COX6C: variants seen among roughly 807,000 people sequenced by gnomAD.
COX6C encodes cytochrome c oxidase subunit 6C.
COX6C carries 3 observed loss-of-function variants against 6.9 expected under a neutral mutation model. The observed-to-expected ratio is 0.43, with a 90% CI of 0.20 to 1.12. COX6C has a LOEUF of 1.12. COX6C is among the 50% of genes most tolerant of loss of function. The pLI is 0.27. For synonymous variants in COX6C, 32 were observed against 32.0 expected (o/e 1.00, Z 0.00); for missense variants, 101 against 97.3 (o/e 1.04, Z -0.16).
At chr8:99,883,471 A>ATTTTTTT (rs71274942) in intron 3 of COX6C, among the ~76,000 whole-genome samples, 1 of 137,718 alleles carries the variant, frequency 7.3e-6, no homozygotes, top group Admixed American at 7.3e-5. Flanking sequence ...ATATATATAT[A>ATTTTTTT]TTTTTTTTTT....
intron 2 of COX6C, among the ~76,000 whole-genome samples, chr8:99,888,508 A>C (rs913369467): frequency 2.6e-5 from 4 of 152,160 alleles, no homozygotes; most frequent in African/African-American, 9.7e-5. Context: ...GAGGCCTCGG[A>C]GGGTGCAGTG....
chr8:99,888,040 G>A (rs906113606), intron 2 of COX6C, among the ~76,000 whole-genome samples: 2 of 147,622 alleles, frequency 1.4e-5, no homozygotes, highest in African/African-American at 5.0e-5. Flanking sequence ...GCAGTGAGCC[G>A]AGATCTCACC....
chr8:99,887,074 T>C (rs1817952857), intron 3 of COX6C: 1 of 152,658 alleles, frequency 6.6e-6, no homozygotes, highest in South Asian at 2.1e-4. Flanking sequence ...ATGCATTTAA[T>C]ACACCTAACT....
At chr8:99,891,792 G>A (rs1324786026) in intron 2 of COX6C, 116 bp downstream of exon 2, 3 of 846,352 alleles carry the variant, frequency 3.5e-6, no homozygotes, top group Non-Finnish European at 5.9e-6. Context: ...TCACACTGAG[G>A]TGAGTGCAGA....
In COX6C at chr8:99,878,174, G is replaced by C. The variant is rs1435963658; in HGVS notation, c.*107C>G. 6.6e-6 allele frequency: 1 copy of C among 152,184 alleles called. No individual in the cohort carries two copies. Among genetic ancestry groups the C allele is most frequent in the Non-Finnish European group, 1.5e-5 (1 of 68,034 alleles). 9.4% of individuals were successfully genotyped at this position (152,184 alleles called of 1,614,324 possible). On this transcript the variant is annotated 3_prime_UTR_variant, in exon 4 of 4. Transcript: ENST00000520468. ...TATTTGTTAATTGTTTATTTATCAA[G>C]AGGAACTATTTCTTAGCCCACATAT...
intron 1 of COX6C, 57 bp from the exon 2 acceptor site, chr8:99,892,109 A>G: frequency 1.1e-6 from 1 of 950,204 alleles, no homozygotes. Flanking sequence ...CACAAACTTG[A>G]GAATGGCCAC....
At chr8:99,886,353 G>A (rs1490359613) in intron 3 of COX6C, 1 of 152,192 alleles carries the variant, frequency 6.6e-6, no homozygotes, top group East Asian at 1.9e-4. Context: ...TCGCACTACA[G>A]CACTACGGCC....
chr8:99,884,323 A>G (rs1817911154), intron 3 of COX6C, among the ~76,000 whole-genome samples: 1 of 152,258 alleles, frequency 6.6e-6, no homozygotes, highest in Admixed American at 6.5e-5. Flanking sequence ...CACACCAACA[A>G]TGAAGGAAAT....
chr8:99,893,642 A>T lies in COX6C; in HGVS notation c.-35T>A, dbSNP rs1221927356. On this transcript the variant is annotated 5_prime_UTR_variant, in exon 1 of 4. Transcript: ENST00000520468. Reference sequence around the variant, plus strand: ...ATGCAAAAGGGACCGGACTCACCTCAACACCAACGTCCTTCCTGACTAAAG... The same window carrying T: ...ATGCAAAAGGGACCGGACTCACCTCTACACCAACGTCCTTCCTGACTAAAG... 3 of 152,294 alleles carry T rather than the reference A, an allele frequency of 2.0e-5. No homozygotes were observed. The highest frequency in any genetic ancestry group is 2.9e-5 in the Non-Finnish European group (2 of 68,078). 9.4% of individuals were successfully genotyped at this position (152,294 alleles called of 1,614,324 possible). A position where few individuals can be genotyped will look rare whatever the true frequency, so the allele number is the denominator to read the frequency against.
At chr8:99,888,295 G>A (rs1563528560) in intron 2 of COX6C, among the ~76,000 whole-genome samples, 2 of 151,960 alleles carry the variant, frequency 1.3e-5, no homozygotes, top group Non-Finnish European at 2.9e-5. Context: ...GGCAGAGGTC[G>A]GGCGTGGTGG....
Position 99,887,667 on chromosome 8 carries a change from T to G in COX6C, c.115-49A>C, listed in dbSNP as rs750438623. 14 of 1,253,642 alleles carry G rather than the reference T, an allele frequency of 1.1e-5. No homozygotes were observed. In the African/African-American group the frequency reaches 2.0e-4, roughly 18 times the overall value. 77.7% of individuals were successfully genotyped at this position (1,253,642 alleles called of 1,614,324 possible). ...GTTTATTTTTCAGATTACTGGAAAT[T>G]AGATTCCAGATTATAATATATAAAG... On this transcript the variant is annotated intron_variant, in intron 2 of 3. Coordinates refer to ENST00000520468, the MANE Select transcript of COX6C (RefSeq NM_004374.4).
chr8:99,884,506 T>A (rs1042305427), intron 3 of COX6C, among the ~76,000 whole-genome samples: 23 of 152,080 alleles, frequency 1.5e-4, no homozygotes, highest in African/African-American at 5.6e-4. Flanking sequence ...ATTCATGCAA[T>A]CCCCATGGTA....
At chr8:99,881,784 T>G (rs1462154944) in intron 3 of COX6C, among the ~76,000 whole-genome samples, 1 of 152,056 alleles carries the variant, frequency 6.6e-6, no homozygotes, top group East Asian at 1.9e-4. Flanking sequence ...TGGATTAAAT[T>G]CCCCAACCAA....
intron 2 of COX6C, among the ~76,000 whole-genome samples, chr8:99,888,321 C>T (rs557434992): frequency 1.3e-5 from 2 of 152,130 alleles, no homozygotes; most frequent in South Asian, 4.1e-4. Context: ...GCCTACAATC[C>T]CAGCACTTTG....
At chr8:99,883,676 T>G (rs1420058621) in intron 3 of COX6C, among the ~76,000 whole-genome samples, 4 of 152,044 alleles carry the variant, frequency 2.6e-5, no homozygotes, top group African/African-American at 9.7e-5. Context: ...TCCACATTCA[T>G]TCTATAAGGC....
intron 2 of COX6C, among the ~76,000 whole-genome samples, chr8:99,889,689 C>A (rs1024781437): frequency 6.6e-6 from 1 of 151,842 alleles, no homozygotes; most frequent in South Asian, 2.1e-4. Flanking sequence ...TACCTGGCCT[C>A]GCCTCCCAAT....
intron 3 of COX6C, among the ~76,000 whole-genome samples, chr8:99,884,533 A>T (rs62534633): frequency 0.21 from 32,258 of 152,112 alleles, 3,794 homozygotes; most frequent in African/African-American, 0.32. Context: ...AAGAAAATAC[A>T]GAATATACAC....
In COX6C at chr8:99,891,828, AG is replaced by A. The variant is rs1403185153; in HGVS notation, c.114+79del. ...AAGGGTTAGAAAGAAACACATTACAAGGGGGAGTTTCTTTAAAAGATTTTTC... is the reference window on the plus strand; with the variant it reads ...AAGGGTTAGAAAGAAACACATTACAAGGGGAGTTTCTTTAAAAGATTTTTC... On this transcript the variant is annotated intron_variant, in intron 2 of 3. Transcript: ENST00000520468. 2.5e-6 allele frequency: 3 copies of A among 1,190,164 alleles called. No individual in the cohort carries two copies. In the African/African-American group the frequency reaches 4.5e-5, roughly 18 times the overall value. 73.7% of individuals were successfully genotyped at this position (1,190,164 alleles called of 1,614,324 possible).
intron 3 of COX6C, among the ~76,000 whole-genome samples, chr8:99,882,021 T>C (rs1451170428): frequency 6.6e-6 from 1 of 152,218 alleles, no homozygotes; most frequent in African/African-American, 2.4e-5. Flanking sequence ...TTAAAAAGAT[T>C]AATTCACCAA....
Sources: gnomAD v4.1 joint callset for allele counts (sites outside exome capture counted in the v4.1 genomes callset) on GRCh38, gnomAD v4.1.1 for gene constraint, MANE v1.5 for transcripts, NCBI Gene and HGNC (gene_info 2026-07-23, HGNC 2026-07-21) for gene names.